GLRA1: variants seen among roughly 807,000 people sequenced by gnomAD.
The protein encoded by GLRA1 is glycine receptor alpha 1, also known as glycine receptor subunit alpha-1.
A neutral mutation model predicts 48.3 loss-of-function variants in GLRA1; 37 were observed. The ratio of observed to expected loss-of-function variants is 0.77; its 90% CI spans 0.59 to 1.01. The LOEUF is 1.01. Among genes scored for constraint, GLRA1 ranks in the 50% least tolerant of loss-of-function variants. The probability of loss-of-function intolerance (pLI) is 0.00; values close to 1 mark genes in which losing one functional copy is unlikely to be tolerated. For missense variants in GLRA1, 427 were observed against 571.0 expected, an observed-to-expected ratio of 0.75 and a Z score of 2.57; for synonymous variants, 196 against 210.7, an observed-to-expected ratio of 0.93 and a Z score of 0.60.
In GLRA1 at chr5:151,823,196, G is replaced by C. The variant is rs536960989; in HGVS notation, c.1060-233C>G. 5.9e-5 allele frequency among the ~76,000 whole-genome samples: 9 copies of C among 152,268 alleles called. No homozygotes were observed. The South Asian group carries it at 1.5e-3, about 25-fold the overall frequency. ...AAACAGGGGATAGGAATGTGGTTTA[G>C]AGTCTGGAGACCTGTGTTCAAGTCC... On this transcript the variant is annotated intron_variant, in intron 8 of 8. Coordinates refer to ENST00000274576, the MANE Select transcript of GLRA1 (RefSeq NM_000171.4).
chr5:151,868,114 C>T (rs1056785478), intron 3 of GLRA1, among the ~76,000 whole-genome samples: 1 of 152,202 alleles, frequency 6.6e-6, no homozygotes, highest in Non-Finnish European at 1.5e-5. Flanking sequence ...TGATTTTCAT[C>T]ATCAAATATT....
At position 151,913,528 on chromosome 5, in the gene GLRA1, A is replaced by G. The variant is rs577636774; in HGVS notation, c.56+10966T>C. 1.8e-4 allele frequency among the ~76,000 whole-genome samples: 28 copies of G among 152,328 alleles called. No homozygotes were observed. In the South Asian group the frequency reaches 3.1e-3, roughly 17 times the overall value. On this transcript the variant is annotated intron_variant, in intron 1 of 8. Coordinates refer to ENST00000274576, the MANE Select transcript of GLRA1 (RefSeq NM_000171.4). Reference sequence around the variant, plus strand: ...GTGTGCGGCAAGCTGAGAGTTTCGTATTATGTTAAAACCTGGCATTTTCAA... The same window carrying G: ...GTGTGCGGCAAGCTGAGAGTTTCGTGTTATGTTAAAACCTGGCATTTTCAA...
chr5:151,831,819 A>G (rs1465055070), intron 7 of GLRA1, among the ~76,000 whole-genome samples: 6 of 152,218 alleles, frequency 3.9e-5, no homozygotes, highest in Non-Finnish European at 8.8e-5. Flanking sequence ...AGACTGCCTC[A>G]AGTGGGTCCC....
rs577130423 is a variant in GLRA1 at position 151,837,018 on chromosome 5, G to C, written c.913-7951C>G. Among the ~76,000 whole-genome samples the C allele has an allele frequency of 4.3e-4, 66 of 152,264 alleles. 3 individuals are homozygous for C. In the South Asian group the frequency reaches 0.01, roughly 23 times the overall value. On this transcript the variant is annotated intron_variant, in intron 7 of 8. Coordinates refer to ENST00000274576, the MANE Select transcript of GLRA1 (RefSeq NM_000171.4). ...ACAAAAAACCAAAAAACTATCATCAGAGTGAACAGGCAACCTACGGAATGG... is the reference window on the plus strand; with the variant it reads ...ACAAAAAACCAAAAAACTATCATCACAGTGAACAGGCAACCTACGGAATGG...
chr5:151,857,291 T>C (rs527621184), intron 4 of GLRA1, among the ~76,000 whole-genome samples: 1 of 152,300 alleles, frequency 6.6e-6, no homozygotes, highest in Non-Finnish European at 1.5e-5. Flanking sequence ...AAGTTCCTGA[T>C]TGAAAAATGG....
At chr5:151,828,166 C>A (rs954180691) in intron 8 of GLRA1, among the ~76,000 whole-genome samples, 1 of 152,146 alleles carries the variant, frequency 6.6e-6, no homozygotes, top group Non-Finnish European at 1.5e-5. Flanking sequence ...TGCTAGGACA[C>A]ACAGTGCACT....
intron 1 of GLRA1, among the ~76,000 whole-genome samples, chr5:151,923,589 A>C (rs1220996099): frequency 6.6e-6 from 1 of 152,224 alleles, no homozygotes; most frequent in South Asian, 2.1e-4. Context: ...TTACTAAAGG[A>C]CTATCTATTT....
chr5:151,869,761 A>C (rs976180492), intron 3 of GLRA1, among the ~76,000 whole-genome samples: 2 of 149,518 alleles, frequency 1.3e-5, no homozygotes, highest in Non-Finnish European at 2.9e-5. Context: ...AACAAAAAAA[A>C]CCTTTTCATC....
At chr5:151,903,753 T>C (rs1754415838) in intron 1 of GLRA1, among the ~76,000 whole-genome samples, 1 of 152,238 alleles carries the variant, frequency 6.6e-6, no homozygotes, top group Admixed American at 6.5e-5. Context: ...CCAAATGCTT[T>C]CTAGGTGCCA....
intron 7 of GLRA1, among the ~76,000 whole-genome samples, chr5:151,847,674 C>T (rs796410932): frequency 6.6e-6 from 1 of 150,770 alleles, no homozygotes. Context: ...TGCAGTGAGC[C>T]GAGATAGTGC....
At chr5:151,860,173 C>T (rs890639262) in intron 3 of GLRA1, among the ~76,000 whole-genome samples, 165 bp from the exon 4 acceptor site, 2 of 152,052 alleles carry the variant, frequency 1.3e-5, no homozygotes, top group Non-Finnish European at 2.9e-5. Context: ...TCAGGCAAAA[C>T]CATGGGAGTC....
intron 3 of GLRA1, among the ~76,000 whole-genome samples, chr5:151,880,763 A>G (rs1476681883): frequency 3.9e-5 from 6 of 152,388 alleles, no homozygotes; most frequent in South Asian, 2.1e-4. Flanking sequence ...ATGCACACAC[A>G]TTCACATTCA....
chr5:151,919,188 C>T (rs148504412), intron 1 of GLRA1, among the ~76,000 whole-genome samples: 1,982 of 152,030 alleles, frequency 0.013, 20 homozygotes, highest in Non-Finnish European at 0.021. Flanking sequence ...GTATTTCTGG[C>T]GGTTACTTGT....
chr5:151,855,182 G>A lies in GLRA1; in HGVS notation c.560-5C>T. ...GGTCATTCATCGTATATCCAACTGGGATGGGATCAGAAGAAGGAGCAGTCA... is the reference window on the plus strand; with the variant it reads ...GGTCATTCATCGTATATCCAACTGGAATGGGATCAGAAGAAGGAGCAGTCA... On this transcript the variant is annotated splice_region_variant and splice_polypyrimidine_tract_variant and intron_variant, in intron 5 of 8. Transcript: ENST00000274576. The A allele has an allele frequency of 1.2e-6, 2 of 1,613,920 alleles. No individual in the cohort carries two copies. Among genetic ancestry groups the A allele is most frequent in the Non-Finnish European group, 1.7e-6 (2 of 1,179,770 alleles).
intron 6 of GLRA1, among the ~76,000 whole-genome samples, chr5:151,852,542 G>A (rs1752939728): frequency 6.6e-6 from 1 of 152,164 alleles, no homozygotes; most frequent in Non-Finnish European, 1.5e-5. Context: ...TCTTATGGTG[G>A]GATCTTAGTT....
chr5:151,921,948 C>T (rs1754885947), intron 1 of GLRA1, among the ~76,000 whole-genome samples: 1 of 152,140 alleles, frequency 6.6e-6, no homozygotes, highest in African/African-American at 2.4e-5. Context: ...TTTCTAAGAC[C>T]CAGTTCCTCC....
intron 3 of GLRA1, among the ~76,000 whole-genome samples, chr5:151,866,775 T>C (rs1242439248): frequency 6.6e-6 from 1 of 151,936 alleles, no homozygotes; most frequent in Non-Finnish European, 1.5e-5. Flanking sequence ...GACACAAATA[T>C]CTACCACACA....
intron 6 of GLRA1, 79 bp from the exon 7 acceptor site, chr5:151,851,683 A>G (rs2113343872): frequency 1.1e-6 from 1 of 929,548 alleles, no homozygotes. Flanking sequence ...AACCTCGGCT[A>G]GAGTCCTGGT....
intron 1 of GLRA1, among the ~76,000 whole-genome samples, chr5:151,895,185 A>C (rs1308486400): frequency 1.3e-5 from 2 of 152,094 alleles, no homozygotes; most frequent in Non-Finnish European, 2.9e-5. Context: ...ACAAAATGTG[A>C]ATTTCTGTGT....
Sources: gnomAD v4.1 joint callset for allele counts (sites outside exome capture counted in the v4.1 genomes callset) on GRCh38, gnomAD v4.1.1 for gene constraint, MANE v1.5 for transcripts, NCBI Gene and HGNC (gene_info 2026-07-23, HGNC 2026-07-21) for gene names.